Variants in PXDNL observed in about 807,000 individuals in gnomAD.
The protein encoded by PXDNL is peroxidasin like.
A neutral mutation model predicts 150.8 loss-of-function variants in PXDNL; 145 were observed. That is an observed-to-expected ratio of 0.96 (90% CI 0.84 to 1.10). The LOEUF (loss-of-function observed/expected upper bound fraction) is 1.10. PXDNL is among the 50% of genes least tolerant of loss of function. The pLI, the probability that PXDNL is intolerant of heterozygous loss-of-function variation, is 0.00. For missense variants in PXDNL, 2,087 were observed against 1,873.9 expected (o/e 1.11, Z -2.10); for synonymous variants, 757 against 725.7 (o/e 1.04, Z -0.69).
chr8:51,587,429 A>C (rs1813348309), intron 3 of PXDNL, among the ~76,000 whole-genome samples: 1 of 152,156 alleles, frequency 6.6e-6, no homozygotes, highest in Non-Finnish European at 1.5e-5. Context: ...AAGACATTTC[A>C]ATTTATTTTT....
At chr8:51,364,692 A>T (rs1040567161) in intron 19 of PXDNL, among the ~76,000 whole-genome samples, 1 of 152,192 alleles carries the variant, frequency 6.6e-6, no homozygotes, top group Admixed American at 6.5e-5. Flanking sequence ...TTGTCTCACA[A>T]TCAGTCAGAA....
chr8:51,630,054 T>G (rs942692664), intron 2 of PXDNL, among the ~76,000 whole-genome samples: 1 of 151,960 alleles, frequency 6.6e-6, no homozygotes, highest in Non-Finnish European at 1.5e-5. Flanking sequence ...AAGGCTATAG[T>G]AATCAAAACA....
chr8:51,590,923 T>C (rs1027137231), intron 3 of PXDNL, among the ~76,000 whole-genome samples: 5 of 152,198 alleles, frequency 3.3e-5, no homozygotes, highest in African/African-American at 4.8e-5. Flanking sequence ...ATGAGTTTTG[T>C]GAGGCGAAGA....
At chr8:51,396,753 C>T (rs117406891) in intron 17 of PXDNL, among the ~76,000 whole-genome samples, 4,569 of 152,116 alleles carry the variant, frequency 0.03, 177 homozygotes, top group African/African-American at 0.089. Flanking sequence ...AATGAAACTC[C>T]GTCTCAAAAA....
At chr8:51,366,808 A>G (rs535388098) in intron 19 of PXDNL, among the ~76,000 whole-genome samples, 1 of 152,208 alleles carries the variant, frequency 6.6e-6, no homozygotes, top group East Asian at 1.9e-4. Flanking sequence ...TTAAGCATAA[A>G]AAAATTCAAA....
intron 4 of PXDNL, among the ~76,000 whole-genome samples, chr8:51,543,898 A>G (rs1004887272): frequency 6.6e-6 from 1 of 152,140 alleles, no homozygotes; most frequent in Non-Finnish European, 1.5e-5. Flanking sequence ...CAATAAAAAT[A>G]TGAAAATATG....
intron 1 of PXDNL, among the ~76,000 whole-genome samples, chr8:51,774,891 GA>G (rs1290715014): frequency 6.6e-6 from 1 of 152,078 alleles, no homozygotes; most frequent in African/African-American, 2.4e-5. Flanking sequence ...AAAATGTCAA[GA>G]AAAATACATT....
intron 4 of PXDNL, among the ~76,000 whole-genome samples, chr8:51,506,681 A>C (rs1811301622): frequency 6.6e-6 from 1 of 152,084 alleles, no homozygotes; most frequent in Non-Finnish European, 1.5e-5. Flanking sequence ...GCCTGAACTA[A>C]TAGCTATAAA....
Position 51,372,225 on chromosome 8 carries a change from T to C in PXDNL, c.3693-144A>G, listed in dbSNP as rs943839600. 5 of 614,186 alleles carry C rather than the reference T, an allele frequency of 8.1e-6. No individual in the cohort carries two copies. In the Admixed American group the frequency reaches 8.8e-5, roughly 11 times the overall value. 38.0% of individuals were successfully genotyped at this position (614,186 alleles called of 1,614,324 possible). Reference sequence around the variant, plus strand: ...ATTATGCTTGTTCTCCAACTGAGTATCCTTTTAATTCTCTCCAATATTTAC... The same window carrying C: ...ATTATGCTTGTTCTCCAACTGAGTACCCTTTTAATTCTCTCCAATATTTAC... On this transcript the variant is annotated intron_variant, in intron 18 of 22. Transcript: ENST00000356297.
intron 3 of PXDNL, among the ~76,000 whole-genome samples, chr8:51,573,647 C>T (rs1208762017): frequency 6.6e-5 from 10 of 152,004 alleles, no homozygotes; most frequent in Non-Finnish European, 1.5e-4. Flanking sequence ...AACCTAGACT[C>T]CTACCTGCAC....
chr8:51,326,951 G>T (rs553685667), intron 21 of PXDNL, among the ~76,000 whole-genome samples: 1 of 152,152 alleles, frequency 6.6e-6, no homozygotes, highest in African/African-American at 2.4e-5. Flanking sequence ...CATAAACAAA[G>T]GAAATCTGAA....
At chr8:51,426,868 G>GT in intron 12 of PXDNL, 110 bp from the exon 13 acceptor site, 3 of 619,796 alleles carry the variant, frequency 4.8e-6, no homozygotes, top group East Asian at 2.9e-5. Flanking sequence ...AAGCACACTA[G>GT]TTTTTTAAAA....
At chr8:51,387,006 G>A (rs190973280) in intron 17 of PXDNL, among the ~76,000 whole-genome samples, 24 of 152,122 alleles carry the variant, frequency 1.6e-4, no homozygotes, top group African/African-American at 5.3e-4. Flanking sequence ...AGTCCATTAC[G>A]ATGTGAGAGC....
At chr8:51,549,429 G>A (rs1812433612) in intron 4 of PXDNL, among the ~76,000 whole-genome samples, 1 of 151,842 alleles carries the variant, frequency 6.6e-6, no homozygotes, top group African/African-American at 2.4e-5. Flanking sequence ...CATTATGACA[G>A]GCCACAAAAC....
chr8:51,502,393 A>G (rs1005435385), intron 4 of PXDNL, among the ~76,000 whole-genome samples: 1 of 152,180 alleles, frequency 6.6e-6, no homozygotes, highest in Non-Finnish European at 1.5e-5. Flanking sequence ...GAAAGTGCCC[A>G]AAGCCACAAA....
chr8:51,676,919 G>A (rs892899474), intron 1 of PXDNL, among the ~76,000 whole-genome samples: 9 of 152,176 alleles, frequency 5.9e-5, no homozygotes, highest in African/African-American at 2.2e-4. Context: ...TCAGGGCTAA[G>A]AGTAGCATTC....
intron 4 of PXDNL, among the ~76,000 whole-genome samples, chr8:51,519,195 T>A (rs1019989788): frequency 2.6e-5 from 4 of 152,190 alleles, no homozygotes; most frequent in Non-Finnish European, 5.9e-5. Context: ...AGATTGGATA[T>A]GTAGAACAAA....
At chr8:51,490,083 A>T in intron 5 of PXDNL, among the ~76,000 whole-genome samples, 1 of 152,340 alleles carries the variant, frequency 6.6e-6, no homozygotes. Flanking sequence ...AAATGTGAAG[A>T]TATTGCAAAG....
chr8:51,740,426 GA>G (rs2036891485), intron 1 of PXDNL, among the ~76,000 whole-genome samples: 1 of 152,126 alleles, frequency 6.6e-6, no homozygotes, highest in Non-Finnish European at 1.5e-5. Context: ...CACAATGGTT[GA>G]ACTAATTTAC....
Sources: gnomAD v4.1 joint callset for allele counts (sites outside exome capture counted in the v4.1 genomes callset) on GRCh38, gnomAD v4.1.1 for gene constraint, MANE v1.5 for transcripts, NCBI Gene and HGNC (gene_info 2026-07-23, HGNC 2026-07-21) for gene names.